MYO1D: variants seen among roughly 807,000 people sequenced by gnomAD.
The protein encoded by MYO1D is unconventional myosin-Id.
A neutral mutation model predicts 122.0 loss-of-function variants in MYO1D; 83 were observed. The ratio of observed to expected loss-of-function variants is 0.68; its 90% CI spans 0.57 to 0.82. The LOEUF is 0.82. Among genes scored for constraint, MYO1D ranks in the 40% least tolerant of loss-of-function variants. The pLI is 0.00. For missense variants in MYO1D, 1,157 were observed against 1,269.5 expected (o/e 0.91, Z 1.35); for synonymous variants, 464 against 446.9 (o/e 1.04, Z -0.48).
At chr17:32,718,659 C>T (rs2089474714) in intron 15 of MYO1D, among the ~76,000 whole-genome samples, 1 of 151,952 alleles carries the variant, frequency 6.6e-6, no homozygotes, top group South Asian at 2.1e-4. Flanking sequence ...GAGATGGCGC[C>T]ACTGTACTCC....
intron 1 of MYO1D, among the ~76,000 whole-genome samples, chr17:32,783,777 T>G (rs1231602839): frequency 2.0e-5 from 3 of 152,192 alleles, no homozygotes; most frequent in African/African-American, 7.2e-5. Flanking sequence ...GGGTAGTAAG[T>G]AAGCACTAAA....
chr17:32,580,289 A>ATTTTTTTTTT (rs71144843), intron 21 of MYO1D, among the ~76,000 whole-genome samples: 2 of 39,118 alleles, frequency 5.1e-5, no homozygotes, highest in African/African-American at 2.3e-4. Context: ...TGCTAAGAGG[A>ATTTTTTTTTT]TTTTTTTTTT....
intron 14 of MYO1D, among the ~76,000 whole-genome samples, chr17:32,730,073 T>C (rs1248466969): frequency 1.3e-5 from 2 of 151,842 alleles, no homozygotes; most frequent in Non-Finnish European, 1.5e-5. Flanking sequence ...TTGTTTCTTC[T>C]TTTTTATGTT....
chr17:32,783,022 T>C (rs191764858), intron 1 of MYO1D, among the ~76,000 whole-genome samples: 3 of 152,206 alleles, frequency 2.0e-5, no homozygotes, highest in Admixed American at 2.0e-4. Flanking sequence ...GTTCAAAGAC[T>C]CGCGAAAATA....
intron 21 of MYO1D, among the ~76,000 whole-genome samples, chr17:32,527,910 C>T: frequency 6.6e-6 from 1 of 150,774 alleles, no homozygotes; most frequent in African/African-American, 2.4e-5. Context: ...ACGATCTTGG[C>T]TCATTGCAAT....
rs2089959350 is a variant in MYO1D at position 32,757,379 on chromosome 17, T to C, written c.1297-1717A>G. ...TCAAAATGGGGTAGGGGTGCTACTG[T>C]CATTTGGTGGGTAGAGGCCAGGGGT... On this transcript the variant is annotated intron_variant, in intron 10 of 21. Coordinates refer to ENST00000318217, the MANE Select transcript of MYO1D (RefSeq NM_015194.3). Among the ~76,000 whole-genome samples the C allele has an allele frequency of 2.0e-5, 3 of 152,116 alleles. No individual in the cohort carries two copies. In the South Asian group the frequency reaches 6.2e-4, roughly 32 times the overall value.
chr17:32,601,521 A>G (rs2087562707), intron 21 of MYO1D, among the ~76,000 whole-genome samples: 1 of 152,226 alleles, frequency 6.6e-6, no homozygotes, highest in Non-Finnish European at 1.5e-5. Context: ...AGCCCACCAT[A>G]GCAGTTAATA....
At chr17:32,782,346 C>T (rs539073233) in intron 1 of MYO1D, among the ~76,000 whole-genome samples, 3 of 152,266 alleles carry the variant, frequency 2.0e-5, no homozygotes, top group East Asian at 3.9e-4. Flanking sequence ...GCACTGATTT[C>T]GAGTCCTTTA....
intron 16 of MYO1D, among the ~76,000 whole-genome samples, chr17:32,673,563 G>GT (rs1418971575): frequency 6.6e-6 from 1 of 152,198 alleles, no homozygotes; most frequent in Non-Finnish European, 1.5e-5. Context: ...TAACTAAAAA[G>GT]TATTAATGAT....
At chr17:32,607,653 A>G (rs531372517) in intron 20 of MYO1D, among the ~76,000 whole-genome samples, 1 of 152,220 alleles carries the variant, frequency 6.6e-6, no homozygotes, top group Non-Finnish European at 1.5e-5. Context: ...GTAGGTATCA[A>G]CAAGCAGATT....
intron 7 of MYO1D, among the ~76,000 whole-genome samples, chr17:32,767,157 A>G (rs2090067329): frequency 6.6e-6 from 1 of 152,230 alleles, no homozygotes; most frequent in African/African-American, 2.4e-5. Flanking sequence ...TTGGTGTGGT[A>G]TAGTGGGAAA....
chr17:32,725,198 G>A (rs1216663680), intron 14 of MYO1D, among the ~76,000 whole-genome samples: 1 of 152,128 alleles, frequency 6.6e-6, no homozygotes, highest in East Asian at 1.9e-4. Flanking sequence ...TAAGAACTCA[G>A]TGGATCAGTA....
chr17:32,765,057 C>T lies in MYO1D; in HGVS notation c.856G>A (p.Gly286Ser). Residue 286 changes from glycine to serine, a missense_variant, in exon 8 of 22, where the codon GGT (glycine) becomes AGT (serine). By Grantham distance (56) the Gly-to-Ser change is moderately conservative. Transcript: ENST00000318217. ...CCATTCTCAATAAGAGGCGTGTCACCATCTACTACAAATTTTAAATTTCCC... is the reference window on the plus strand; with the variant it reads ...CCATTCTCAATAAGAGGCGTGTCACTATCTACTACAAATTTTAAATTTCCC... ...HLGNLKFVVD[G>S]DTPLIENGKV... The T allele has an allele frequency of 6.2e-7, 1 of 1,612,948 alleles. No homozygotes were observed. Among genetic ancestry groups the T allele is most frequent in the Non-Finnish European group, 8.5e-7 (1 of 1,179,298 alleles).
chr17:32,605,244 G>A lies in MYO1D; in HGVS notation c.2710-3C>T. The A allele has an allele frequency of 6.5e-7, 1 of 1,538,924 alleles. No homozygotes were observed. Among genetic ancestry groups the A allele is most frequent in the Non-Finnish European group, 8.8e-7 (1 of 1,131,090 alleles). ...TTGGAGACACTCAGACCAGTCAACT[G>A]CAAAGAGAAAATGCATGGAAAACTA... On this transcript the variant is annotated splice_region_variant and splice_polypyrimidine_tract_variant and intron_variant, in intron 20 of 21. Coordinates refer to ENST00000318217, the MANE Select transcript of MYO1D (RefSeq NM_015194.3).
At chr17:32,603,627 G>A (rs574956554) in intron 21 of MYO1D, among the ~76,000 whole-genome samples, 29 of 146,768 alleles carry the variant, frequency 2.0e-4, no homozygotes, top group African/African-American at 7.0e-4. Context: ...CCAGGTTCAC[G>A]CCATTCTCCT....
At chr17:32,874,645 G>A (rs951029443) in intron 1 of MYO1D, among the ~76,000 whole-genome samples, 1 of 152,054 alleles carries the variant, frequency 6.6e-6, no homozygotes, top group Non-Finnish European at 1.5e-5. Context: ...GCATTCGGCC[G>A]GGCATGGTGG....
intron 21 of MYO1D, among the ~76,000 whole-genome samples, chr17:32,555,797 A>G (rs1490456504): frequency 6.6e-6 from 1 of 152,196 alleles, no homozygotes; most frequent in Non-Finnish European, 1.5e-5. Flanking sequence ...ACTCCTGGCC[A>G]GCTTTCAATT....
At chr17:32,755,698 A>C (rs1428487901) in intron 10 of MYO1D, 36 bp from the exon 11 acceptor site, 2 of 1,584,912 alleles carry the variant, frequency 1.3e-6, no homozygotes, top group South Asian at 2.3e-5. Flanking sequence ...TCTGAAGAGA[A>C]CAGTGACCAG....
intron 1 of MYO1D, among the ~76,000 whole-genome samples, chr17:32,809,566 A>G (rs1460549780): frequency 6.6e-6 from 1 of 151,320 alleles, no homozygotes; most frequent in Non-Finnish European, 1.5e-5. Context: ...AGCTTCCCAT[A>G]TAGCTGGGAT....
Sources: allele counts gnomAD v4.1 joint callset (sites outside exome capture counted in the v4.1 genomes callset), GRCh38; gene constraint gnomAD v4.1.1; transcripts MANE v1.5; gene names NCBI Gene and HGNC (gene_info 2026-07-23, HGNC 2026-07-21).